Variants in CHN2 observed in about 807,000 individuals in gnomAD.
CHN2 encodes the protein beta-chimaerin.
Under a neutral mutation model 56.3 loss-of-function variants are expected in CHN2, and 35 were observed. That is an observed-to-expected ratio of 0.62 (90% CI 0.47 to 0.82). CHN2 has a LOEUF of 0.82. Among genes scored for constraint, CHN2 ranks in the 40% least tolerant of loss-of-function variants. The pLI, the probability that CHN2 is intolerant of heterozygous loss-of-function variation, is 0.00. For missense variants in CHN2, 491 were observed against 580.5 expected (o/e 0.85, Z 1.58); for synonymous variants, 210 against 212.8 (o/e 0.99, Z 0.12).
chr7:29,255,893 T>TG lies in CHN2; in HGVS notation c.49+60903_49+60904insG, dbSNP rs1789034719. Reference sequence around the variant, plus strand: ...AACTTGCAGTATGCAAAAACCATTATCTAGAAACTGATTCAGTTTAATGCT... The same window carrying TG: ...AACTTGCAGTATGCAAAAACCATTATGCTAGAAACTGATTCAGTTTAATGCT... On this transcript the variant is annotated intron_variant, in intron 1 of 12. Coordinates refer to ENST00000222792, the MANE Select transcript of CHN2 (RefSeq NM_004067.4). 2.5e-4 allele frequency among the ~76,000 whole-genome samples: 38 copies of TG among 152,326 alleles called. 1 individual carries two copies. The South Asian group carries it at 7.7e-3, about 31-fold the overall frequency.
intron 1 of CHN2, chr7:29,292,991 C>G (rs1293999968): frequency 1.1e-5 from 5 of 456,190 alleles, no homozygotes; most frequent in Non-Finnish European, 1.8e-5. Flanking sequence ...ACTCCTCCGT[C>G]TTTGCACTCA....
At chr7:29,280,378 C>T (rs1791597848) in intron 1 of CHN2, among the ~76,000 whole-genome samples, 2 of 37,838 alleles carry the variant, frequency 5.3e-5, no homozygotes, top group Non-Finnish European at 5.0e-5. Context: ...AGCGAGGCTC[C>T]GTCTCATAAA....
chr7:29,222,256 G>A (rs1785862919), intron 1 of CHN2, among the ~76,000 whole-genome samples: 1 of 152,162 alleles, frequency 6.6e-6, no homozygotes. Context: ...TGGATAGCAA[G>A]AATCAATATC....
chr7:29,201,651 A>G (rs990683476), intron 1 of CHN2, among the ~76,000 whole-genome samples: 2 of 152,204 alleles, frequency 1.3e-5, no homozygotes, highest in Admixed American at 6.5e-5. Context: ...AAAAATATTC[A>G]GTTCCTCAGT....
intron 1 of CHN2, among the ~76,000 whole-genome samples, chr7:29,323,984 A>G (rs1047141471): frequency 6.6e-6 from 1 of 151,932 alleles, no homozygotes; most frequent in African/African-American, 2.4e-5. Flanking sequence ...AGCCTGGGCG[A>G]CAGAGCGAGA....
At chr7:29,350,024 TTTTC>T (rs1419666026) in intron 1 of CHN2, among the ~76,000 whole-genome samples, 2 of 152,202 alleles carry the variant, frequency 1.3e-5, no homozygotes, top group Admixed American at 6.5e-5. Context: ...ACACCACTAA[TTTTC>T]TTTCTTTATT....
rs1784051341 is a variant in CHN2 at position 29,200,342 on chromosome 7, C to T, written c.49+5352C>T. On this transcript the variant is annotated intron_variant, in intron 1 of 12. Coordinates refer to ENST00000222792, the MANE Select transcript of CHN2 (RefSeq NM_004067.4). ...TCCTTTCTCCATTCTTCCCCTCCCC[C>T]TCCCTCTTTTCTTCCCTCCCTACCT... Among the ~76,000 whole-genome samples the T allele has an allele frequency of 2.7e-5, 4 of 148,382 alleles. No individual in the cohort carries two copies. In the South Asian group the frequency reaches 8.9e-4, roughly 33 times the overall value.
chr7:29,214,726 G>A (rs1302178150), intron 1 of CHN2, among the ~76,000 whole-genome samples: 1 of 152,194 alleles, frequency 6.6e-6, no homozygotes, highest in African/African-American at 2.4e-5. Context: ...TGTTATGTAA[G>A]AATCCACCAT....
intron 1 of CHN2, among the ~76,000 whole-genome samples, chr7:29,322,975 G>C (rs1189266623): frequency 6.6e-6 from 1 of 152,100 alleles, no homozygotes; most frequent in East Asian, 1.9e-4. Context: ...CCAACATGTT[G>C]AAACTCCATC....
At chr7:29,359,166 G>A (rs1030614000) in intron 2 of CHN2, among the ~76,000 whole-genome samples, 3 of 152,096 alleles carry the variant, frequency 2.0e-5, no homozygotes, top group Non-Finnish European at 4.4e-5. Flanking sequence ...GGGATGTGCT[G>A]ACTGCCCTAA....
intron 1 of CHN2, among the ~76,000 whole-genome samples, chr7:29,252,539 T>G (rs184228301): frequency 1.3e-5 from 2 of 148,494 alleles, no homozygotes; most frequent in Non-Finnish European, 3.0e-5. Flanking sequence ...ACATGCACAG[T>G]TGGTATTTAT....
At chr7:29,409,631 C>T (rs1803011283) in intron 6 of CHN2, among the ~76,000 whole-genome samples, 1 of 152,142 alleles carries the variant, frequency 6.6e-6, no homozygotes, top group Non-Finnish European at 1.5e-5. Context: ...GTTCTTATAG[C>T]CTTTTCAGGT....
chr7:29,184,562 A>T (rs1306872924), intron 2 of CHN2: 1 of 152,152 alleles, frequency 6.6e-6, no homozygotes, highest in Admixed American at 6.5e-5. Context: ...AAGGCAGGAA[A>T]ACAGCTGATG....
intron 2 of CHN2, among the ~76,000 whole-genome samples, chr7:29,149,133 G>A (rs1013124937): frequency 1.3e-5 from 2 of 151,266 alleles, no homozygotes; most frequent in African/African-American, 4.9e-5. Flanking sequence ...GGGCAAGAAT[G>A]CTGAGCTCTA....
At position 29,196,063 on chromosome 7, in the gene CHN2, A is replaced by G. The variant is rs533489711; in HGVS notation, c.49+1073A>G. On this transcript the variant is annotated intron_variant, in intron 1 of 12. Transcript: ENST00000222792. Reference sequence around the variant, plus strand: ...ATATATTAATATTGTATTAAGTCCCATTGGGCTGTTTTTATTATTATTCGC... The same window carrying G: ...ATATATTAATATTGTATTAAGTCCCGTTGGGCTGTTTTTATTATTATTCGC... 1.2e-4 allele frequency among the ~76,000 whole-genome samples: 18 copies of G among 152,326 alleles called. No homozygotes were observed. The South Asian group carries it at 1.9e-3, about 16-fold the overall frequency.
intron 9 of CHN2, among the ~76,000 whole-genome samples, chr7:29,503,015 C>A (rs1790146333): frequency 1.3e-5 from 2 of 152,106 alleles, no homozygotes. Flanking sequence ...TTTCTACGTT[C>A]CTTGAAAACC....
At chr7:29,386,266 T>A (rs537274856) in intron 3 of CHN2, among the ~76,000 whole-genome samples, 5 of 152,260 alleles carry the variant, frequency 3.3e-5, no homozygotes, top group Admixed American at 2.6e-4. Flanking sequence ...GATTTCTAAT[T>A]AAAAAGGAAT....
chr7:29,347,187 G>A (rs966259264), intron 1 of CHN2, among the ~76,000 whole-genome samples: 4 of 152,104 alleles, frequency 2.6e-5, no homozygotes, highest in African/African-American at 9.7e-5. Flanking sequence ...TCTTGTACCC[G>A]TTGCTGAGAA....
intron 3 of CHN2, among the ~76,000 whole-genome samples, chr7:29,385,344 C>T (rs1465102589): frequency 6.6e-6 from 1 of 152,146 alleles, no homozygotes; most frequent in Non-Finnish European, 1.5e-5. Flanking sequence ...CAGTCTAAAG[C>T]AGGGTTTATT....
Sources: allele counts gnomAD v4.1 joint callset (sites outside exome capture counted in the v4.1 genomes callset), GRCh38; gene constraint gnomAD v4.1.1; transcripts MANE v1.5; gene names NCBI Gene and HGNC (gene_info 2026-07-23, HGNC 2026-07-21).